Variants in ZNF652 observed in about 807,000 individuals in gnomAD.
ZNF652 encodes zinc finger protein 652.
ZNF652 carries 16 observed loss-of-function variants against 45.2 expected under a neutral mutation model. The ratio of observed to expected loss-of-function variants is 0.35; its 90% CI spans 0.24 to 0.54. The LOEUF (loss-of-function observed/expected upper bound fraction) is 0.54, where lower values mean the gene tolerates loss of function less well. ZNF652 is among the 20% of genes least tolerant of loss of function. The pLI is 0.91. For missense variants in ZNF652, 614 were observed against 765.6 expected (o/e 0.80, Z 2.34); for synonymous variants, 250 against 260.6 (o/e 0.96, Z 0.39).
chr17:49,320,367 T>C (rs1003134067), intron 1 of ZNF652, among the ~76,000 whole-genome samples: 1 of 152,220 alleles, frequency 6.6e-6, no homozygotes, highest in Non-Finnish European at 1.5e-5. Context: ...AATAGATATA[T>C]TCCTACTTTC....
intron 1 of ZNF652, among the ~76,000 whole-genome samples, chr17:49,356,263 T>TA (rs1304637143): frequency 1.3e-5 from 2 of 150,786 alleles, no homozygotes; most frequent in East Asian, 3.9e-4. Flanking sequence ...CTGTCTCTAC[T>TA]AAAAAATACA....
chr17:49,331,227 T>C (rs1333642730), intron 1 of ZNF652, among the ~76,000 whole-genome samples: 1 of 149,122 alleles, frequency 6.7e-6, no homozygotes, highest in Non-Finnish European at 1.5e-5. Context: ...GTTCACGCCA[T>C]TCTCCTGCCT....
At chr17:49,337,353 AAG>A (rs568651891) in intron 1 of ZNF652, among the ~76,000 whole-genome samples, 7,555 of 149,850 alleles carry the variant, frequency 0.05, 216 homozygotes, top group Middle Eastern at 0.1. Flanking sequence ...AAAAAAAAAA[AAG>A]AAAAAAGAAA....
intron 1 of ZNF652, among the ~76,000 whole-genome samples, chr17:49,331,367 C>T (rs9747404): frequency 0.23 from 34,956 of 151,900 alleles, 4,144 homozygotes; most frequent in South Asian, 0.32. Context: ...GTGATCCACC[C>T]ACCTCGGCCT....
At chr17:49,324,327 G>T (rs1324872038) in intron 1 of ZNF652, among the ~76,000 whole-genome samples, 2 of 152,198 alleles carry the variant, frequency 1.3e-5, no homozygotes, top group African/African-American at 4.8e-5. Context: ...TGTTGTGTTT[G>T]GCTTGATCTT....
Position 49,312,681 on chromosome 17 carries a change from A to G in ZNF652, c.1048+17T>C, listed in dbSNP as rs1278878480. Reference sequence around the variant, plus strand: ...AAGGGAAAATTATAGGTATAAGAGAAAAGCAGAAAAACTTACCAACCATGT... The same window carrying G: ...AAGGGAAAATTATAGGTATAAGAGAGAAGCAGAAAAACTTACCAACCATGT... On this transcript the variant is annotated intron_variant, in intron 3 of 5. Coordinates refer to ENST00000430262, the MANE Select transcript of ZNF652 (RefSeq NM_001145365.3). The G allele has an allele frequency of 9.3e-6, 15 of 1,610,542 alleles. No homozygotes were observed. Among genetic ancestry groups the G allele is most frequent in the South Asian group, 4.4e-5 (4 of 90,710 alleles).
chr17:49,347,735 G>GTT (rs1567698709), intron 1 of ZNF652, among the ~76,000 whole-genome samples: 5 of 124,426 alleles, frequency 4.0e-5, no homozygotes, highest in Non-Finnish European at 4.9e-5. Flanking sequence ...TTGAACCTTG[G>GTT]TTTTGTTTTT....
chr17:49,303,897 G>A (rs1292357104), intron 5 of ZNF652, among the ~76,000 whole-genome samples: 1 of 149,858 alleles, frequency 6.7e-6, no homozygotes, highest in African/African-American at 2.5e-5. Context: ...CTTTTTTTTT[G>A]TTTTTTCCTG....
chr17:49,345,144 C>T (rs2070190699), intron 1 of ZNF652, among the ~76,000 whole-genome samples: 2 of 151,750 alleles, frequency 1.3e-5, no homozygotes, highest in African/African-American at 4.8e-5. Context: ...ATTCAGATGA[C>T]TGGCGACTTT....
chr17:49,344,169 C>A (rs961543522), intron 1 of ZNF652, among the ~76,000 whole-genome samples: 1 of 151,438 alleles, frequency 6.6e-6, no homozygotes, highest in African/African-American at 2.4e-5. Flanking sequence ...CCACTGCACT[C>A]CAGCCTGGGG....
At chr17:49,339,838 ATTC>A (rs2070125898) in intron 1 of ZNF652, among the ~76,000 whole-genome samples, 1 of 152,198 alleles carries the variant, frequency 6.6e-6, no homozygotes, top group African/African-American at 2.4e-5. Flanking sequence ...AAGCCAAGAG[ATTC>A]TTCTGCCTCA....
At chr17:49,326,262 A>G (rs2069955545) in intron 1 of ZNF652, among the ~76,000 whole-genome samples, 1 of 149,466 alleles carries the variant, frequency 6.7e-6, no homozygotes, top group African/African-American at 2.5e-5. Context: ...AAAAAAAAAA[A>G]GAAGTATGGT....
chr17:49,344,314 GTGA>G, intron 1 of ZNF652, among the ~76,000 whole-genome samples: 1 of 151,950 alleles, frequency 6.6e-6, no homozygotes, highest in East Asian at 1.9e-4. Context: ...GCAATGAGCT[GTGA>G]TTGCACCACT....
intron 5 of ZNF652, among the ~76,000 whole-genome samples, chr17:49,305,014 C>T (rs1178047587): frequency 6.6e-6 from 1 of 152,166 alleles, no homozygotes; most frequent in East Asian, 1.9e-4. Flanking sequence ...AGAGATATCT[C>T]AAAACAAGTA....
At chr17:49,326,980 T>A (rs1367723104) in intron 1 of ZNF652, among the ~76,000 whole-genome samples, 2 of 152,100 alleles carry the variant, frequency 1.3e-5, no homozygotes, top group African/African-American at 2.4e-5. Flanking sequence ...TGTCAGTCCA[T>A]AAATTTTACC....
At chr17:49,328,865 C>T (rs780920508) in intron 1 of ZNF652, among the ~76,000 whole-genome samples, 6 of 152,160 alleles carry the variant, frequency 3.9e-5, no homozygotes, top group African/African-American at 7.2e-5. Context: ...TCAACTTTCC[C>T]GTTGTCATTG....
chr17:49,323,279 C>T lies in ZNF652; in HGVS notation c.-258-5296G>A, dbSNP rs79121117. Among the ~76,000 whole-genome samples the T allele has an allele frequency of 9.2e-3, 1,395 of 152,328 alleles. 21 individuals are homozygous for T. The highest frequency in any genetic ancestry group is 0.032 in the African/African-American group (1,320 of 41,574). On this transcript the variant is annotated intron_variant, in intron 1 of 5. Coordinates refer to ENST00000430262, the MANE Select transcript of ZNF652 (RefSeq NM_001145365.3). ...CATCTCCACCAGGAGTAGATTCCAT[C>T]TCAAGAAGTAGATTCCATCTGTTTG...
At position 49,317,088 on chromosome 17, in the gene ZNF652, C is replaced by T. The variant is rs781120379; in HGVS notation, c.638G>A (p.Arg213His). ...TSPTPRTTRGRRKSVEPPKRK... is the reference protein window; with the variant it reads ...TSPTPRTTRGHRKSVEPPKRK... ...CTTAGGTGGCTCTACACTCTTCCTA[C>T]GACCTCTTGTAGTTCTGGGAGTAGG... is the stretch of plus-strand genomic sequence containing the variant. The change falls in exon 2 of 6, where the codon CGT becomes CAT. Residue 213 changes from arginine to histidine, a missense_variant. Arg to His is a conservative substitution (Grantham distance 29). Coordinates refer to ENST00000430262, the MANE Select transcript of ZNF652 (RefSeq NM_001145365.3). The T allele has an allele frequency of 3.3e-5, 54 of 1,614,004 alleles. No individual in the cohort carries two copies. Among genetic ancestry groups the T allele is most frequent in the East Asian group, 4.5e-5 (2 of 44,880 alleles).
At chr17:49,361,383 C>T (rs944569705) in intron 1 of ZNF652, among the ~76,000 whole-genome samples, 2 of 152,110 alleles carry the variant, frequency 1.3e-5, no homozygotes, top group African/African-American at 2.4e-5. Flanking sequence ...GGAGAAAGGT[C>T]TGCATTACCC....
Sources: gnomAD v4.1 joint callset for allele counts (sites outside exome capture counted in the v4.1 genomes callset) on GRCh38, gnomAD v4.1.1 for gene constraint, MANE v1.5 for transcripts, NCBI Gene and HGNC (gene_info 2026-07-23, HGNC 2026-07-21) for gene names.